The following ZNF543 variants were observed in gnomAD, a reference collection of about 807,000 sequenced individuals.
ZNF543 encodes the protein zinc finger protein 543.
A neutral mutation model predicts 13.4 loss-of-function variants in ZNF543; 10 were observed. The observed-to-expected ratio is 0.75, with a 90% confidence interval of 0.46 to 1.26. ZNF543 has a LOEUF of 1.26. ZNF543 is among the 50% of genes most tolerant of loss of function. The probability of loss-of-function intolerance (pLI) is 0.00; values close to 1 mark genes in which losing one functional copy is unlikely to be tolerated. For synonymous variants in ZNF543, 272 were observed against 264.7 expected (o/e 1.03, Z -0.27); for missense variants, 768 against 741.2 (o/e 1.04, Z -0.42).
chr19:57,329,392 T>C lies in ZNF543; in HGVS notation c.*127T>C. 1.5e-6 allele frequency: 2 copies of C among 1,324,596 alleles called. No homozygotes were observed. The highest frequency in any genetic ancestry group is 4.7e-5 in the Admixed American group (2 of 42,880). The allele number at this position is 1,324,596 out of a possible 1,614,324, so 82.1% of individuals were successfully genotyped here. On this transcript the variant is annotated 3_prime_UTR_variant, in exon 4 of 4. Coordinates refer to ENST00000321545, the MANE Select transcript of ZNF543 (RefSeq NM_213598.4). Reference sequence around the variant, plus strand: ...AATCAAGTTAGAAATTGAACCAGCCTGGAGTCTTATTCTCCACCTGAGAAT... The same window carrying C: ...AATCAAGTTAGAAATTGAACCAGCCCGGAGTCTTATTCTCCACCTGAGAAT...
chr19:57,321,089 C>T (rs1476404167), intron 1 of ZNF543, among the ~76,000 whole-genome samples: 1 of 152,208 alleles, frequency 6.6e-6, no homozygotes, highest in Non-Finnish European at 1.5e-5. Flanking sequence ...ATGCTTCCTT[C>T]ATGGATCTCA....
At chr19:57,321,448 C>T (rs972061298) in intron 1 of ZNF543, among the ~76,000 whole-genome samples, 6 of 152,106 alleles carry the variant, frequency 3.9e-5, no homozygotes, top group African/African-American at 9.7e-5. Flanking sequence ...GAGAATCTGA[C>T]GATATTAAAG....
In ZNF543 at chr19:57,330,284, T is replaced by G. The variant is rs2088155387; in HGVS notation, c.*1019T>G. ...TTTACTTTTTTTTTTTTTTTTTAAG[T>G]TTTCCTGGGATAGGGATGATAGTGT... On this transcript the variant is annotated 3_prime_UTR_variant, in exon 4 of 4. Coordinates refer to ENST00000321545, the MANE Select transcript of ZNF543 (RefSeq NM_213598.4). 1 of 151,860 alleles carries G rather than the reference T, an allele frequency of 6.6e-6. No individual in the cohort carries two copies. The highest frequency in any genetic ancestry group is 1.5e-5 in the Non-Finnish European group (1 of 67,990). The allele number at this position is 151,860 out of a possible 1,614,324, so 9.4% of individuals were successfully genotyped here.
intron 3 of ZNF543, 134 bp downstream of exon 3, chr19:57,326,862 C>T (rs1485811814): frequency 1.3e-5 from 8 of 615,278 alleles, no homozygotes; most frequent in South Asian, 3.8e-5. Flanking sequence ...AGCCTCTCCC[C>T]GCCCGCCCCC....
At chr19:57,326,846 C>A in intron 3 of ZNF543, 118 bp downstream of exon 3, 1 of 765,314 alleles carries the variant, frequency 1.3e-6, no homozygotes, top group Non-Finnish European at 2.1e-6. Flanking sequence ...TGCTTGGGAT[C>A]CATGGAGCCT....
In ZNF543 at chr19:57,320,775, C is replaced by T; in HGVS notation, c.-79C>T. ...GAGTGCGAAAGTCAGCCGAGGTCGC[C>T]CCGCCCAGGACAGAGAAGGGCTGGG... On this transcript the variant is annotated 5_prime_UTR_variant, in exon 1 of 4. Transcript: ENST00000321545. The T allele has an allele frequency of 3.8e-6, 6 of 1,568,846 alleles. No homozygotes were observed. The highest frequency in any genetic ancestry group is 5.2e-6 in the Non-Finnish European group (6 of 1,155,086).
Position 57,327,050 on chromosome 19 carries a change from A to G in ZNF543, c.241+322A>G, listed in dbSNP as rs2088126088. On this transcript the variant is annotated intron_variant, in intron 3 of 3. Coordinates refer to ENST00000321545, the MANE Select transcript of ZNF543 (RefSeq NM_213598.4). ...CCTGGCTGAGTTTTTAAAATTTTTT[A>G]TAGAGATGGTCTTGTTATGTTGCTG... Among the ~76,000 whole-genome samples the G allele has an allele frequency of 2.0e-5, 3 of 151,772 alleles. No homozygotes were observed. The South Asian group carries it at 6.2e-4, about 31-fold the overall frequency.
Position 57,329,032 on chromosome 19 carries a change from C to A in ZNF543, c.1570C>A (p.Arg524=). ...CTTTTGCCGGAGCGCAAACCTTATT[C>A]GACACTCCATCATTCACACTGGAGA... ...KAFCRSANLI[R]HSIIHTGEKP... Residue 524 remains arginine, a synonymous_variant, in exon 4 of 4, where the codon CGA becomes AGA. Transcript: ENST00000321545. The A allele has an allele frequency of 6.2e-7, 1 of 1,614,114 alleles. No individual in the cohort carries two copies. The highest frequency in any genetic ancestry group is 8.5e-7 in the Non-Finnish European group (1 of 1,180,026).
chr19:57,323,921 T>C (rs2088105549), intron 2 of ZNF543, 113 bp downstream of exon 2: 1 of 1,390,668 alleles, frequency 7.2e-7, no homozygotes, highest in African/African-American at 1.4e-5. Context: ...GCAGGGGTGT[T>C]CACCATTGGC....
At chr19:57,323,277 C>T (rs1247607564) in intron 1 of ZNF543, among the ~76,000 whole-genome samples, 2 of 151,616 alleles carry the variant, frequency 1.3e-5, no homozygotes, top group African/African-American at 4.8e-5. Flanking sequence ...CTGCAAGCTC[C>T]GCCTCCCGGG....
intron 2 of ZNF543, among the ~76,000 whole-genome samples, chr19:57,324,189 A>C (rs905397981): frequency 3.3e-5 from 5 of 152,048 alleles, no homozygotes; most frequent in Admixed American, 2.0e-4. Context: ...GTCTCTACTA[A>C]AAATACAAAA....
chr19:57,323,242 A>T (rs371418578), intron 1 of ZNF543, among the ~76,000 whole-genome samples: 41 of 146,740 alleles, frequency 2.8e-4, no homozygotes, highest in African/African-American at 1.0e-3. Context: ...CCCAGGCTGG[A>T]GTACAGTGGC....
intron 2 of ZNF543, among the ~76,000 whole-genome samples, chr19:57,326,110 G>C (rs2088118954): frequency 6.6e-6 from 1 of 152,186 alleles, no homozygotes; most frequent in Non-Finnish European, 1.5e-5. Context: ...TTGTAGGATG[G>C]AGATTAAAAG....
chr19:57,323,707 C>G lies in ZNF543; in HGVS notation c.44C>G (p.Ala15Gly). ...GTGTCTGTGACCTTTGAGGATGTGG[C>G]TGTGACATTCACCCAGGAGGAGTGG... ...AQVSVTFEDV[A>G]VTFTQEEWGQ... Residue 15 changes from alanine (A) to glycine (G), a missense_variant, in exon 2 of 4, where the codon GCT becomes GGT. Coordinates refer to ENST00000321545, the MANE Select transcript of ZNF543 (RefSeq NM_213598.4). 1 of 1,613,554 alleles carries G rather than the reference C, an allele frequency of 6.2e-7. No homozygotes were observed. The highest frequency in any genetic ancestry group is 1.3e-5 in the African/African-American group (1 of 75,034).
rs147502266 is a variant in ZNF543 at position 57,323,751 on chromosome 19, C to T, written c.88C>T (p.Gln30Ter). 1.5e-5 allele frequency: 24 copies of T among 1,613,710 alleles called. No homozygotes were observed. In the African/African-American group the frequency reaches 3.2e-4, roughly 22 times the overall value. The change falls in exon 2 of 4, where the codon CAG becomes TAG. Residue 30 changes from glutamine to a stop codon, truncating the protein, a stop_gained. Coordinates refer to ENST00000321545, the MANE Select transcript of ZNF543 (RefSeq NM_213598.4). LOFTEE classifies it high-confidence loss of function. ...GGAGTGGGGACAGTTGGATGCAGCCCAGAGAACCTTGTATCAGGAGGTGAT... is the reference window on the plus strand; with the variant it reads ...GGAGTGGGGACAGTTGGATGCAGCCTAGAGAACCTTGTATCAGGAGGTGAT... ...QEEWGQLDAAQRTLYQEVMLE... is the reference protein window; with the variant it reads ...QEEWGQLDAA
intron 1 of ZNF543, among the ~76,000 whole-genome samples, chr19:57,322,205 T>G (rs1357154605): frequency 6.6e-6 from 1 of 152,174 alleles, no homozygotes; most frequent in East Asian, 1.9e-4. Context: ...TCGTTGTGGA[T>G]TCTTCCTATG....
intron 1 of ZNF543, among the ~76,000 whole-genome samples, chr19:57,322,703 C>CT (rs1456800259): frequency 6.6e-6 from 1 of 152,088 alleles, no homozygotes; most frequent in Non-Finnish European, 1.5e-5. Flanking sequence ...CCTCAAGTCT[C>CT]TGAGTGTGAC....
intron 2 of ZNF543, among the ~76,000 whole-genome samples, chr19:57,324,173 A>ACC (rs2088107237): frequency 6.6e-6 from 1 of 152,108 alleles, no homozygotes; most frequent in African/African-American, 2.4e-5. Flanking sequence ...AACATGGTGA[A>ACC]ATCCCGTCTC....
chr19:57,323,824 G>C lies in ZNF543; in HGVS notation c.145+16G>C. 1.9e-6 allele frequency: 3 copies of C among 1,609,038 alleles called. 1 individual carries two copies. In the South Asian group the frequency reaches 3.3e-5, roughly 18 times the overall value. On this transcript the variant is annotated intron_variant, in intron 2 of 3. Transcript: ENST00000321545. The stretch of plus-strand genomic sequence containing the variant: ...ATGTCTCTGGGTAAGGCCCCTTCTG[G>C]TCCTGTGCTCCCTTAGGATTGAGTT...
Sources: allele counts gnomAD v4.1 joint callset (sites outside exome capture counted in the v4.1 genomes callset), GRCh38; gene constraint gnomAD v4.1.1; transcripts MANE v1.5; gene names NCBI Gene and HGNC (gene_info 2026-07-23, HGNC 2026-07-21).